The following LGALS8 variants were observed in gnomAD, a reference collection of about 807,000 sequenced individuals.
LGALS8 encodes the protein galectin 8.
A neutral mutation model predicts 35.9 loss-of-function variants in LGALS8; 30 were observed. The observed-to-expected ratio is 0.83, with a 90% CI of 0.62 to 1.13. The LOEUF (loss-of-function observed/expected upper bound fraction) is 1.13, where lower values mean the gene tolerates loss of function less well. Among genes scored for constraint, LGALS8 ranks in the 50% most tolerant of loss-of-function variants. The pLI is 0.00. For missense variants in LGALS8, 366 were observed against 388.7 expected (o/e 0.94, Z 0.49); for synonymous variants, 138 against 136.1 (o/e 1.01, Z -0.10).
upstream of LGALS8, chr1:236,523,885 G>C (rs1660641799): frequency 2.9e-6 from 1 of 347,380 alleles, no homozygotes; most frequent in African/African-American, 2.2e-5. Flanking sequence ...ACAGAAGGCG[G>C]GGCGCGGGGA....
At chr1:236,538,783 C>G (rs554792167) in intron 3 of LGALS8, 96 bp from the exon 4 acceptor site, 1 of 836,338 alleles carries the variant, frequency 1.2e-6, no homozygotes, top group African/African-American at 1.7e-5. Flanking sequence ...TGGTCAGTCC[C>G]TTGTCACTGG....
chr1:236,521,611 T>G (rs1158724145), upstream of LGALS8, among the ~76,000 whole-genome samples: 1 of 152,030 alleles, frequency 6.6e-6, no homozygotes, highest in African/African-American at 2.4e-5. Flanking sequence ...GCGGATCACT[T>G]GAGGTCAGGA....
intron 6 of LGALS8, among the ~76,000 whole-genome samples, chr1:236,541,992 G>C (rs1470962633): frequency 1.3e-5 from 2 of 152,138 alleles, no homozygotes; most frequent in African/African-American, 2.4e-5. Flanking sequence ...TCCAAATATT[G>C]AACATCAGCC....
At chr1:236,547,596 C>G (rs939648129) in intron 9 of LGALS8, among the ~76,000 whole-genome samples, 2 of 152,026 alleles carry the variant, frequency 1.3e-5, no homozygotes, top group African/African-American at 2.4e-5. Context: ...CAGGCTACAG[C>G]TGGAAACAGC....
chr1:236,540,577 G>T lies in LGALS8; in HGVS notation c.359G>T (p.Gly120Val), dbSNP rs950420663. Residue 120 changes from glycine to valine, a missense_variant, in exon 5 of 10, where the codon GGA (glycine) becomes GTA (valine). Physicochemically the swap from Gly to Val is moderately radical, Grantham distance 109 (BLOSUM62 -3). Coordinates refer to ENST00000366584, the MANE Select transcript of LGALS8 (RefSeq NM_201544.4). ...GTATCTCTCTAGGTGGCTGTAAATG[G>T]AAAACATACTCTGCTCTATGGCCAC... is the stretch of plus-strand genomic sequence containing the variant. ...LKDKFQVAVN[G>V]KHTLLYGHRI... The T allele has an allele frequency of 7.5e-6, 12 of 1,605,164 alleles. No homozygotes were observed. Among genetic ancestry groups the T allele is most frequent in the Non-Finnish European group, 1.0e-5 (12 of 1,176,364 alleles).
rs1661772509 is a variant in LGALS8 at position 236,539,043 on chromosome 1, A to C, written c.299A>C (p.Glu100Ala). Reference protein sequence around the residue: ...EITYDTPFKREKSFEIVIMVL... With the variant: ...EITYDTPFKRAKSFEIVIMVL... ...ACCTATGACACGCCTTTCAAAAGAG[A>C]AAAGTCTTTTGAGATCGTGATTATG... The change falls in exon 4 of 10, where the codon GAA (glutamate) becomes GCA (alanine). Residue 100 changes from glutamate to alanine, a missense_variant. Physicochemically the swap from Glu to Ala is moderately radical, Grantham distance 107. Coordinates refer to ENST00000366584, the MANE Select transcript of LGALS8 (RefSeq NM_201544.4). 1 of 1,614,138 alleles carries C rather than the reference A, an allele frequency of 6.2e-7. No homozygotes were observed. The highest frequency in any genetic ancestry group is 1.3e-5 in the African/African-American group (1 of 75,058).
In LGALS8 at chr1:236,543,545, G is replaced by A; in HGVS notation, c.550-15G>A. 3 of 1,604,734 alleles carry A rather than the reference G, an allele frequency of 1.9e-6. No individual in the cohort carries two copies. The highest frequency in any genetic ancestry group is 1.1e-5 in the South Asian group (1 of 90,940). Reference sequence around the variant, plus strand: ...TTCTGCAGGCCTCTTGGTCCTGACTGTGGCTTCTTTTCAGAGGCTGCCATT... The same window carrying A: ...TTCTGCAGGCCTCTTGGTCCTGACTATGGCTTCTTTTCAGAGGCTGCCATT... On this transcript the variant is annotated splice_polypyrimidine_tract_variant and intron_variant, in intron 7 of 9. Coordinates refer to ENST00000366584, the MANE Select transcript of LGALS8 (RefSeq NM_201544.4).
At position 236,542,631 on chromosome 1, in the gene LGALS8, G is replaced by A. The variant is rs1007954507; in HGVS notation, c.523-130G>A. On this transcript the variant is annotated intron_variant, in intron 6 of 9. Coordinates refer to ENST00000366584, the MANE Select transcript of LGALS8 (RefSeq NM_201544.4). The stretch of plus-strand genomic sequence containing the variant: ...CGTCATAAAGCACCAGCTGCCTGGA[G>A]GTCACACCAGAGTGGAGCAGGAACA... The A allele has an allele frequency of 5.6e-6, 5 of 899,298 alleles. No individual in the cohort carries two copies. The African/African-American group carries it at 6.6e-5, about 12-fold the overall frequency. The allele number at this position is 899,298 out of a possible 1,614,324, so 55.7% of individuals were successfully genotyped here. A position where few individuals can be genotyped will look rare whatever the true frequency, so the allele number is the denominator to read the frequency against.
chr1:236,524,041 G>T lies in LGALS8; in HGVS notation c.-124G>T, dbSNP rs1046254760. Reference sequence around the variant, plus strand: ...TGACAAACAACCTGCTCCGTGGAGCGCCTGAAACACCAGTCTTTGGGTGAG... The same window carrying T: ...TGACAAACAACCTGCTCCGTGGAGCTCCTGAAACACCAGTCTTTGGGTGAG... On this transcript the variant is annotated 5_prime_UTR_variant, in exon 1 of 10. Coordinates refer to ENST00000366584, the MANE Select transcript of LGALS8 (RefSeq NM_201544.4). 4.5e-6 allele frequency: 2 copies of T among 449,072 alleles called. No individual in the cohort carries two copies. Among genetic ancestry groups the T allele is most frequent in the Admixed American group, 4.8e-5 (2 of 41,826 alleles). The allele number at this position is 449,072 out of a possible 1,614,324, so 27.8% of individuals were successfully genotyped here.
At chr1:236,545,049 T>A in intron 9 of LGALS8, 134 bp downstream of exon 9, 1 of 620,930 alleles carries the variant, frequency 1.6e-6, no homozygotes, top group Non-Finnish European at 2.6e-6. Context: ...TTGGAGATTG[T>A]AATTTGCCCC....
rs549818738 is a variant in LGALS8 at position 236,549,033 on chromosome 1, A to G, written c.*872A>G. The G allele has an allele frequency of 1.0e-5, 4 of 398,646 alleles. No individual in the cohort carries two copies. In the South Asian group the frequency reaches 5.1e-4, roughly 51 times the overall value. 24.7% of individuals were successfully genotyped at this position (398,646 alleles called of 1,614,324 possible). A position where few individuals can be genotyped will look rare whatever the true frequency, so the allele number is the denominator to read the frequency against. On this transcript the variant is annotated 3_prime_UTR_variant, in exon 10 of 10. Coordinates refer to ENST00000366584, the MANE Select transcript of LGALS8 (RefSeq NM_201544.4). ...AATTTGAAAGATATTTATGGGCAAC[A>G]AAGTAAGGTCAGGATTAGACTTCAG...
chr1:236,529,620 C>CTTT (rs1661029423), intron 2 of LGALS8, among the ~76,000 whole-genome samples: 1 of 64,138 alleles, frequency 1.6e-5, no homozygotes, highest in African/African-American at 5.5e-5. Context: ...GCTTCCTTTT[C>CTTT]TGTTTTTTTT....
In LGALS8 at chr1:236,550,805, TAAGGCACCAA is replaced by T; in HGVS notation, c.*2648_*2657del. On this transcript the variant is annotated 3_prime_UTR_variant, in exon 10 of 10. Transcript: ENST00000366584. ...TTGTAAGTAATCCAAGTAGGTGTAT[TAAGGCACCAA>T]AAGTAACATGGCACCCAACACCCAA... 1.1e-6 allele frequency: 1 copy of T among 880,504 alleles called. No individual in the cohort carries two copies. 54.5% of individuals were successfully genotyped at this position (880,504 alleles called of 1,614,324 possible).
chr1:236,541,692 A>G lies in LGALS8; in HGVS notation c.504A>G (p.Thr168=), dbSNP rs759374338. ...QSTQASSLEL[T]EISRENVPKS... ...CCCAAGCATCTAGTCTGGAACTGAC[A>G]GAGATAAGTAGAGAAAATGTAAATA... is the stretch of plus-strand genomic sequence containing the variant. The change falls in exon 6 of 10, where the codon ACA becomes ACG. Residue 168 remains threonine (T), a synonymous_variant. Coordinates refer to ENST00000366584, the MANE Select transcript of LGALS8 (RefSeq NM_201544.4). The G allele has an allele frequency of 2.1e-5, 31 of 1,507,462 alleles. No homozygotes were observed. Among genetic ancestry groups the G allele is most frequent in the South Asian group, 2.5e-5 (2 of 79,220 alleles). 93.4% of individuals were successfully genotyped at this position (1,507,462 alleles called of 1,614,324 possible). A position where few individuals can be genotyped will look rare whatever the true frequency, so the allele number is the denominator to read the frequency against.
chr1:236,538,101 A>AAAAAAAAAAAAAAAAAAG (rs371245157), intron 3 of LGALS8, among the ~76,000 whole-genome samples: 3,973 of 95,380 alleles, frequency 0.042, 823 homozygotes, highest in Non-Finnish European at 0.065. Context: ...AAAAAAAAGA[A>AAAAAAAAAAAAAAAAAAG]AAAGAAAAAG....
chr1:236,528,346 C>T (rs796359704), intron 2 of LGALS8, among the ~76,000 whole-genome samples: 14 of 149,198 alleles, frequency 9.4e-5, no homozygotes, highest in African/African-American at 3.2e-4. Flanking sequence ...GGTGCCACTG[C>T]ACTCCAGCCT....
intron 7 of LGALS8, chr1:236,543,184 C>A: frequency 1.4e-6 from 1 of 722,388 alleles, no homozygotes. Flanking sequence ...GAGAGTCAAC[C>A]AGGCCTGCCT....
chr1:236,539,022 A>G lies in LGALS8; in HGVS notation c.278A>G (p.Tyr93Cys), dbSNP rs1214086094. The change falls in exon 4 of 10, where the codon TAT becomes TGT. Residue 93 changes from tyrosine to cysteine, a missense_variant. By Grantham distance (194) the Tyr-to-Cys change is radical. Transcript: ENST00000366584. ...NEKWGREEIT[Y>C]DTPFKREKSF... is the part of the protein sequence containing the mutation. ...AAATGGGGACGGGAAGAGATCACCT[A>G]TGACACGCCTTTCAAAAGAGAAAAG... 8.7e-6 allele frequency: 14 copies of G among 1,614,102 alleles called. No individual in the cohort carries two copies. In the South Asian group the frequency reaches 8.8e-5, roughly 10 times the overall value.
chr1:236,538,861 G>A lies in LGALS8; in HGVS notation c.135-18G>A. 3.8e-6 allele frequency: 6 copies of A among 1,599,390 alleles called. No individual in the cohort carries two copies. The highest frequency in any genetic ancestry group is 5.1e-6 in the Non-Finnish European group (6 of 1,168,074). On this transcript the variant is annotated intron_variant, in intron 3 of 9. Coordinates refer to ENST00000366584, the MANE Select transcript of LGALS8 (RefSeq NM_201544.4). ...CTTTCTGAGCACTCATGGGGCCCCT[G>A]TGTCTTCCCTCATATAGATTCCAGG...
Sources: gnomAD v4.1 joint callset for allele counts (sites outside exome capture counted in the v4.1 genomes callset) on GRCh38, gnomAD v4.1.1 for gene constraint, MANE v1.5 for transcripts, NCBI Gene and HGNC (gene_info 2026-07-23, HGNC 2026-07-21) for gene names.